Variants in DTHD1 observed in about 807,000 individuals in gnomAD.
DTHD1 encodes the protein death domain containing 1.
Under a neutral mutation model 74.8 loss-of-function variants are expected in DTHD1, and 59 were observed. The ratio of observed to expected loss-of-function variants is 0.79; its 90% CI spans 0.64 to 0.98. The LOEUF (loss-of-function observed/expected upper bound fraction) is 0.98, where lower values mean the gene tolerates loss of function less well. DTHD1 is among the 50% of genes least tolerant of loss of function. The pLI is 0.00. For missense variants in DTHD1, 1,051 were observed against 1,065.4 expected, an observed-to-expected ratio of 0.99 and a Z score of 0.19; for synonymous variants, 365 against 371.1, an observed-to-expected ratio of 0.98 and a Z score of 0.19.
At position 36,343,801 on chromosome 4, in the gene DTHD1, T is replaced by C; in HGVS notation, c.2698T>C (p.Cys900Arg). The change falls in exon 10 of 10, where the codon TGT becomes CGT. Residue 900 changes from cysteine (C) to arginine (R), a missense_variant. Cys to Arg is a radical substitution (Grantham distance 180, BLOSUM62 -3). Coordinates refer to ENST00000639862, the MANE Select transcript of DTHD1 (RefSeq NM_001170700.3). ...TAAAGTGTTCACTGAACCACAGCAGTGTTTTGATGTAGCCCCTGAGTAAAA... is the reference window on the plus strand; with the variant it reads ...TAAAGTGTTCACTGAACCACAGCAGCGTTTTGATGTAGCCCCTGAGTAAAA... ...ENKVFTEPQQ[C>R]FDVAPE 6.5e-7 allele frequency: 1 copy of C among 1,549,198 alleles called. No individual in the cohort carries two copies. The highest frequency in any genetic ancestry group is 8.7e-7 in the Non-Finnish European group (1 of 1,145,612).
At chr4:36,318,836 A>C (rs998438275) in intron 8 of DTHD1, among the ~76,000 whole-genome samples, 1 of 151,954 alleles carries the variant, frequency 6.6e-6, no homozygotes, top group Non-Finnish European at 1.5e-5. Context: ...GGATGGTCTC[A>C]ATCTCCTGAC....
chr4:36,316,152 G>T (rs1757710247), intron 7 of DTHD1, 90 bp from the exon 8 acceptor site: 1 of 1,218,298 alleles, frequency 8.2e-7, no homozygotes, highest in Non-Finnish European at 1.1e-6. Flanking sequence ...AGCCAGGATG[G>T]TCTCGATCTC....
chr4:36,306,900 A>T (rs1757087922), intron 6 of DTHD1, among the ~76,000 whole-genome samples: 1 of 152,202 alleles, frequency 6.6e-6, no homozygotes, highest in Admixed American at 6.5e-5. Flanking sequence ...CTAGGAATAG[A>T]GTCTGAGATG....
In DTHD1 at chr4:36,281,628, T is replaced by G; in HGVS notation, c.-131T>G. 3.8e-5 allele frequency: 46 copies of G among 1,219,378 alleles called. No homozygotes were observed. The highest frequency in any genetic ancestry group is 4.0e-5 in the Non-Finnish European group (39 of 976,912). 75.5% of individuals were successfully genotyped at this position (1,219,378 alleles called of 1,614,324 possible). A position where few individuals can be genotyped will look rare whatever the true frequency, so the allele number is the denominator to read the frequency against. ...ACCAAACTGAATAACCACTATGTTG[T>G]GAGAAAGTGCTGGGCTAGCTGACTC... On this transcript the variant is annotated 5_prime_UTR_variant, in exon 1 of 10. It removes the in-frame stop codon of an upstream open reading frame in the 5' UTR. Coordinates refer to ENST00000639862, the MANE Select transcript of DTHD1 (RefSeq NM_001170700.3).
intron 2 of DTHD1, among the ~76,000 whole-genome samples, chr4:36,288,139 C>T (rs1257787119): frequency 6.6e-6 from 1 of 152,122 alleles, no homozygotes; most frequent in East Asian, 1.9e-4. Flanking sequence ...TGCTCTTTCG[C>T]CCAGGCTGGA....
In DTHD1 at chr4:36,345,676, C is replaced by T. The variant is rs1400518512; in HGVS notation, c.*1852C>T. ...TATGTATTTTCATGTATTCTTGGGG[C>T]AAAGAAAACAGACTAAAATGTTCAT... On this transcript the variant is annotated 3_prime_UTR_variant, in exon 10 of 10. Transcript: ENST00000639862. 2 of 151,846 alleles carry T rather than the reference C, an allele frequency of 1.3e-5. No homozygotes were observed. The highest frequency in any genetic ancestry group is 4.8e-5 in the African/African-American group (2 of 41,320). The allele number at this position is 151,846 out of a possible 1,614,324, so 9.4% of individuals were successfully genotyped here.
At chr4:36,323,451 T>C (rs1758152457) in intron 8 of DTHD1, among the ~76,000 whole-genome samples, 1 of 152,098 alleles carries the variant, frequency 6.6e-6, no homozygotes, top group Non-Finnish European at 1.5e-5. Context: ...GAGATGATTC[T>C]GAACCATTAA....
chr4:36,333,610 T>C (rs10016513), intron 8 of DTHD1: 110,285 of 152,184 alleles, frequency 0.72, 40,760 homozygotes, highest in African/African-American at 0.86. Flanking sequence ...GCTGGTGGGA[T>C]CCAGCAGAGC....
rs761928746 is a variant in DTHD1 at position 36,316,287 on chromosome 4, T to G, written c.2141T>G (p.Leu714Trp). The change falls in exon 8 of 10, where the codon TTG becomes TGG. Residue 714 changes from leucine to tryptophan, a missense_variant. By Grantham distance (61) the Leu-to-Trp change is moderately conservative. Coordinates refer to ENST00000639862, the MANE Select transcript of DTHD1 (RefSeq NM_001170700.3). ...AAAGACTACACACTTATTTTTCACT[T>G]GCAAAGAAAACCTAGGCTGGAACTC... ...YGKDYTLIFH[L>W]QRKPRLELQI... 6.4e-7 allele frequency: 1 copy of G among 1,551,788 alleles called. No individual in the cohort carries two copies. Among genetic ancestry groups the G allele is most frequent in the Non-Finnish European group, 8.7e-7 (1 of 1,146,988 alleles).
At chr4:36,314,790 T>C (rs888656242) in intron 7 of DTHD1, among the ~76,000 whole-genome samples, 1 of 140,934 alleles carries the variant, frequency 7.1e-6, no homozygotes, top group Non-Finnish European at 1.5e-5. Flanking sequence ...TTCCAAATAG[T>C]GGAAGAATCC....
Position 36,345,433 on chromosome 4 carries a change from A to G in DTHD1, c.*1609A>G, listed in dbSNP as rs997284022. On this transcript the variant is annotated 3_prime_UTR_variant, in exon 10 of 10. Coordinates refer to ENST00000639862, the MANE Select transcript of DTHD1 (RefSeq NM_001170700.3). ...GAAAACATCGGTAGCAATTAGTTTC[A>G]GTTATTGAATACCTAGGAATTAATT... The G allele has an allele frequency of 6.6e-6, 1 of 152,242 alleles. No homozygotes were observed. The highest frequency in any genetic ancestry group is 2.4e-5 in the African/African-American group (1 of 41,466). The allele number at this position is 152,242 out of a possible 1,614,324, so 9.4% of individuals were successfully genotyped here.
At chr4:36,314,506 C>G (rs1757585978) in intron 7 of DTHD1, among the ~76,000 whole-genome samples, 1 of 128,766 alleles carries the variant, frequency 7.8e-6, no homozygotes, top group African/African-American at 2.8e-5. Context: ...AAAACCCCGT[C>G]TCTACAAAAA....
chr4:36,293,523 C>T lies in DTHD1; in HGVS notation c.1219-3C>T, dbSNP rs753763262. 151 of 1,533,586 alleles carry T rather than the reference C, an allele frequency of 9.8e-5. No individual in the cohort carries two copies. The highest frequency in any genetic ancestry group is 1.3e-4 in the Non-Finnish European group (150 of 1,135,670). The allele number at this position is 1,533,586 out of a possible 1,614,324, so 95.0% of individuals were successfully genotyped here. A position where few individuals can be genotyped will look rare whatever the true frequency, so the allele number is the denominator to read the frequency against. On this transcript the variant is annotated splice_polypyrimidine_tract_variant and splice_region_variant and intron_variant, in intron 3 of 9. Transcript: ENST00000639862. ...TTATTTTAATGTTCTTTATTCTATA[C>T]AGGGGACCTGTGCTTCAGTAAAAGT...
intron 8 of DTHD1, among the ~76,000 whole-genome samples, chr4:36,323,698 T>C (rs963604289): frequency 1.3e-5 from 2 of 152,070 alleles, no homozygotes; most frequent in Non-Finnish European, 2.9e-5. Context: ...CACATTGTGA[T>C]TGTTAAGTTT....
At position 36,321,998 on chromosome 4, in the gene DTHD1, C is replaced by A. The variant is rs73119376; in HGVS notation, c.2340+5512C>A. On this transcript the variant is annotated intron_variant, in intron 8 of 9. Coordinates refer to ENST00000639862, the MANE Select transcript of DTHD1 (RefSeq NM_001170700.3). The stretch of plus-strand genomic sequence containing the variant: ...CATCAGATATCTGCATGTCTGTTAC[C>A]CTTACCTCCTTCAGTTCTTTGCTGA... Among the ~76,000 whole-genome samples, 374 of 148,872 alleles carry A rather than the reference C, an allele frequency of 2.5e-3. 2 individuals carry two copies. Among genetic ancestry groups the A allele is most frequent in the African/African-American group, 9.2e-3 (353 of 38,464 alleles).
At chr4:36,308,104 C>A in intron 6 of DTHD1, 100 bp from the exon 7 acceptor site, 3 of 1,118,564 alleles carry the variant, frequency 2.7e-6, no homozygotes, top group East Asian at 2.6e-5. Flanking sequence ...TTTTAAAAGA[C>A]GTCTGTTTGA....
At chr4:36,334,644 G>A (rs1252991780) in intron 8 of DTHD1, among the ~76,000 whole-genome samples, 2 of 152,194 alleles carry the variant, frequency 1.3e-5, no homozygotes, top group African/African-American at 4.8e-5. Context: ...ATAGGCATGA[G>A]CCACCATGCT....
At chr4:36,318,677 C>T (rs1180578206) in intron 8 of DTHD1, among the ~76,000 whole-genome samples, 3 of 142,520 alleles carry the variant, frequency 2.1e-5, no homozygotes, top group Admixed American at 7.4e-5. Context: ...TGCAGTGGCG[C>T]GATCTCGGCT....
chr4:36,332,924 T>C (rs568884208), intron 8 of DTHD1: 3 of 152,278 alleles, frequency 2.0e-5, no homozygotes, highest in African/African-American at 4.8e-5. Flanking sequence ...ACATGCCTCA[T>C]AAGTGTGCAG....
Sources: allele counts gnomAD v4.1 joint callset (sites outside exome capture counted in the v4.1 genomes callset), GRCh38; gene constraint gnomAD v4.1.1; transcripts MANE v1.5; gene names NCBI Gene and HGNC (gene_info 2026-07-23, HGNC 2026-07-21).